CCDC85A: variants seen among roughly 807,000 people sequenced by gnomAD.
The protein encoded by CCDC85A is coiled-coil domain containing 85A.
Under a neutral mutation model 50.2 loss-of-function variants are expected in CCDC85A, and 38 were observed. The observed-to-expected ratio is 0.76, with a 90% CI of 0.58 to 0.99. The LOEUF (loss-of-function observed/expected upper bound fraction) is 0.99, where lower values mean the gene tolerates loss of function less well. Among genes scored for constraint, CCDC85A ranks in the 50% least tolerant of loss-of-function variants. The probability of loss-of-function intolerance (pLI) is 0.00; values close to 1 mark genes in which losing one functional copy is unlikely to be tolerated. For missense variants in CCDC85A, 820 were observed against 742.0 expected, an observed-to-expected ratio of 1.11 and a Z score of -1.22; for synonymous variants, 366 against 301.4, an observed-to-expected ratio of 1.21 and a Z score of -2.22.
intron 2 of CCDC85A, among the ~76,000 whole-genome samples, chr2:56,301,814 G>C (rs1672218451): frequency 1.3e-5 from 2 of 152,136 alleles, no homozygotes; most frequent in Admixed American, 1.3e-4. Flanking sequence ...GTTGGGGGTG[G>C]GAGCAAGGGG....
intron 3 of CCDC85A, among the ~76,000 whole-genome samples, chr2:56,365,586 T>A (rs539264499): frequency 6.6e-6 from 1 of 152,278 alleles, no homozygotes; most frequent in South Asian, 2.1e-4. Flanking sequence ...GGGGTATAAA[T>A]TACTGAAAAC....
intron 2 of CCDC85A, among the ~76,000 whole-genome samples, chr2:56,220,243 A>G (rs182027983): frequency 8.4e-5 from 12 of 142,104 alleles, no homozygotes; most frequent in Non-Finnish European, 1.4e-4. Flanking sequence ...TTTACTTTCT[A>G]CTTAATCTTA....
At chr2:56,357,265 G>T (rs561431536) in intron 3 of CCDC85A, among the ~76,000 whole-genome samples, 110 of 152,136 alleles carry the variant, frequency 7.2e-4, no homozygotes, top group Non-Finnish European at 1.3e-3. Context: ...GGGGACAGCT[G>T]CCCCTCAAAT....
chr2:56,296,098 A>G (rs1249227380), intron 2 of CCDC85A, among the ~76,000 whole-genome samples: 1 of 152,220 alleles, frequency 6.6e-6, no homozygotes, highest in Non-Finnish European at 1.5e-5. Flanking sequence ...TGTGAAAATG[A>G]CATCAGGAAC....
chr2:56,355,150 C>G (rs1008908985), intron 3 of CCDC85A, among the ~76,000 whole-genome samples: 1 of 152,172 alleles, frequency 6.6e-6, no homozygotes, highest in Non-Finnish European at 1.5e-5. Flanking sequence ...TGGCCATTCC[C>G]CACGGCTCCT....
intron 2 of CCDC85A, among the ~76,000 whole-genome samples, chr2:56,235,940 A>T (rs1285398557): frequency 1.3e-5 from 2 of 152,158 alleles, no homozygotes; most frequent in Admixed American, 1.3e-4. Flanking sequence ...ATCAGCTTCA[A>T]AAAGGGGGTA....
At position 56,379,166 on chromosome 2, in the gene CCDC85A, A is replaced by G. The variant is rs926862640; in HGVS notation, c.1572+3231A>G. On this transcript the variant is annotated intron_variant, in intron 5 of 5. Transcript: ENST00000407595. Reference sequence around the variant, plus strand: ...AAAGTGTTGTTCAAATATTTTCACTATAAGGAGCCAGTGCTTCTCTTTGAT... The same window carrying G: ...AAAGTGTTGTTCAAATATTTTCACTGTAAGGAGCCAGTGCTTCTCTTTGAT... Among the ~76,000 whole-genome samples the G allele has an allele frequency of 3.3e-5, 5 of 152,182 alleles. 1 individual carries two copies. The highest frequency in any genetic ancestry group is 2.0e-4 in the Admixed American group (3 of 15,270).
At chr2:56,236,725 G>A (rs1038977830) in intron 2 of CCDC85A, among the ~76,000 whole-genome samples, 2 of 152,150 alleles carry the variant, frequency 1.3e-5, no homozygotes, top group African/African-American at 2.4e-5. Flanking sequence ...GAGGCATGAC[G>A]AGAATCCAGA....
At chr2:56,349,535 C>T (rs1379367729) in intron 3 of CCDC85A, among the ~76,000 whole-genome samples, 1 of 152,012 alleles carries the variant, frequency 6.6e-6, no homozygotes, top group African/African-American at 2.4e-5. Flanking sequence ...TGTAAGGCAA[C>T]ATGGAGGCCC....
At chr2:56,318,396 A>C (rs1673014486) in intron 2 of CCDC85A, among the ~76,000 whole-genome samples, 1 of 152,016 alleles carries the variant, frequency 6.6e-6, no homozygotes. Context: ...TCTAACCACG[A>C]CTGGCTTTCA....
chr2:56,384,284 G>A lies in CCDC85A; in HGVS notation c.1591G>A (p.Gly531Arg). 1 of 1,610,868 alleles carries A rather than the reference G, an allele frequency of 6.2e-7. No individual in the cohort carries two copies. The highest frequency in any genetic ancestry group is 1.3e-5 in the African/African-American group (1 of 74,722). The change falls in exon 6 of 6, where the codon GGA becomes AGA. Residue 531 changes from glycine to arginine, a missense_variant. Coordinates refer to ENST00000407595, the MANE Select transcript of CCDC85A (RefSeq NM_001080433.2). ...TTTTAAGGTTGTGTGGAGGAAACTTGGAGATGCTGCAGGTTCGTGTCCTGG... is the reference window on the plus strand; with the variant it reads ...TTTTAAGGTTGTGTGGAGGAAACTTAGAGATGCTGCAGGTTCGTGTCCTGG... ...HSLKVVWRKLGDAAGSCPGIR... is the reference protein window; with the variant it reads ...HSLKVVWRKLRDAAGSCPGIR...
intron 2 of CCDC85A, among the ~76,000 whole-genome samples, chr2:56,213,959 AG>A (rs925477318): frequency 6.6e-6 from 1 of 151,948 alleles, no homozygotes; most frequent in Non-Finnish European, 1.5e-5. Flanking sequence ...ACGATATGAC[AG>A]GTGAGTAGAG....
intron 2 of CCDC85A, among the ~76,000 whole-genome samples, chr2:56,244,058 A>G (rs1418321290): frequency 2.0e-5 from 3 of 152,134 alleles, no homozygotes; most frequent in Non-Finnish European, 4.4e-5. Context: ...AAGGCCCACT[A>G]TAACCACTAC....
chr2:56,258,137 A>T (rs1029520795), intron 2 of CCDC85A, among the ~76,000 whole-genome samples: 13 of 152,050 alleles, frequency 8.5e-5, no homozygotes, highest in African/African-American at 3.1e-4. Context: ...AATGCAGGGG[A>T]TGGAGAACAG....
intron 1 of CCDC85A, among the ~76,000 whole-genome samples, chr2:56,189,310 T>TTTTTTTTTTTTTTTTTTTG: frequency 6.7e-6 from 1 of 149,656 alleles, no homozygotes; most frequent in Admixed American, 6.6e-5. Flanking sequence ...TTTTTTTTTT[T>TTTTTTTTTTTTTTTTTTTG]TTGAGACAAG....
intron 2 of CCDC85A, among the ~76,000 whole-genome samples, chr2:56,216,656 CTTCT>C (rs1256154807): frequency 6.6e-6 from 1 of 150,708 alleles, no homozygotes; most frequent in Non-Finnish European, 1.5e-5. Flanking sequence ...TTTATTTCTC[CTTCT>C]AATATGTTTT....
chr2:56,358,911 T>C (rs931126146), intron 3 of CCDC85A, among the ~76,000 whole-genome samples: 9 of 151,780 alleles, frequency 5.9e-5, no homozygotes, highest in African/African-American at 1.9e-4. Flanking sequence ...CAGCCTCCCA[T>C]GTAGCTGGGA....
chr2:56,320,533 A>C (rs1673127953), intron 2 of CCDC85A, among the ~76,000 whole-genome samples: 1 of 152,196 alleles, frequency 6.6e-6, no homozygotes, highest in Non-Finnish European at 1.5e-5. Flanking sequence ...TAAACTAGGA[A>C]ATCTAGAAGA....
At chr2:56,359,578 T>C (rs1675422326) in intron 3 of CCDC85A, among the ~76,000 whole-genome samples, 1 of 152,184 alleles carries the variant, frequency 6.6e-6, no homozygotes, top group African/African-American at 2.4e-5. Flanking sequence ...GGAAAGAACA[T>C]GAATTTCTGT....
Sources: allele counts gnomAD v4.1 joint callset (sites outside exome capture counted in the v4.1 genomes callset), GRCh38; gene constraint gnomAD v4.1.1; transcripts MANE v1.5; gene names NCBI Gene and HGNC (gene_info 2026-07-23, HGNC 2026-07-21).